Variants in SH3KBP1 observed in about 807,000 individuals in gnomAD.
SH3KBP1 encodes SH3 domain-containing kinase-binding protein 1.
In SH3KBP1, 8 loss-of-function variants were observed where a neutral mutation model predicts 50.1. That is an observed-to-expected ratio of 0.16 (90% CI 0.09 to 0.29). The LOEUF is 0.29. Ranked by LOEUF, SH3KBP1 falls within the 10% of genes least tolerant of loss-of-function variation. SH3KBP1 has a pLI of 1.00. For synonymous variants in SH3KBP1, 227 were observed against 218.6 expected, an observed-to-expected ratio of 1.04 and a Z score of -0.34; for missense variants, 377 against 535.2, an observed-to-expected ratio of 0.70 and a Z score of 2.92.
At chrX:19,685,380 A>G (rs1315755754) in intron 5 of SH3KBP1, among the ~76,000 whole-genome samples, 1 of 112,692 alleles carries the variant, frequency 8.9e-6, no homozygotes, top group Non-Finnish European at 1.9e-5. Context: ...TCAAATCCTT[A>G]AAACAATGGT....
intron 3 of SH3KBP1, among the ~76,000 whole-genome samples, chrX:19,735,699 A>C (rs995968583): frequency 1.3e-5 from 1 of 78,926 alleles, no homozygotes; most frequent in Admixed American, 1.9e-4. Flanking sequence ...ATCCTTCTAA[A>C]TTTACTGAGA....
At chrX:19,593,476 A>G (rs1355418491) in intron 10 of SH3KBP1, among the ~76,000 whole-genome samples, 2 of 111,370 alleles carry the variant, frequency 1.8e-5, no homozygotes, top group East Asian at 2.8e-4. Flanking sequence ...GAAAATATGA[A>G]TATCTATCTC....
intron 1 of SH3KBP1, among the ~76,000 whole-genome samples, chrX:19,868,154 T>A (rs969431441): frequency 2.7e-5 from 3 of 112,166 alleles, no homozygotes; most frequent in Non-Finnish European, 3.8e-5. Flanking sequence ...TGTGCTAGTG[T>A]GGGCTTTTGT....
At chrX:19,740,896 G>A in intron 3 of SH3KBP1, 1 of 211,465 alleles carries the variant, frequency 4.7e-6, no homozygotes, top group Non-Finnish European at 9.8e-6. Context: ...TCCCCTTCAG[G>A]GGAAGTGGGG....
chrX:19,670,554 C>A, intron 6 of SH3KBP1: 1 of 172,225 alleles, frequency 5.8e-6, no homozygotes, highest in Non-Finnish European at 9.3e-6. Flanking sequence ...CATGAAAACC[C>A]AAGACACAGA....
chrX:19,646,161 C>T (rs374422962), intron 6 of SH3KBP1, among the ~76,000 whole-genome samples: 10 of 111,966 alleles, frequency 8.9e-5, no homozygotes, highest in East Asian at 8.4e-4. Flanking sequence ...AAAAATCCAG[C>T]GCCTCAGACC....
At chrX:19,537,453 G>A (rs1474720248) in intron 17 of SH3KBP1, among the ~76,000 whole-genome samples, 1 of 89,431 alleles carries the variant, frequency 1.1e-5, no homozygotes, top group East Asian at 3.2e-4. Flanking sequence ...GCGAGACTCC[G>A]TCTCAAAAAG....
intron 8 of SH3KBP1, among the ~76,000 whole-genome samples, chrX:19,629,727 T>C (rs1427276045): frequency 8.9e-6 from 1 of 112,292 alleles, no homozygotes; most frequent in Non-Finnish European, 1.9e-5. Context: ...GTTGGATCAA[T>C]GTGAAAGTCA....
Position 19,645,469 on chromosome X carries a change from C to T in SH3KBP1, c.733G>A (p.Gly245Arg). 8.4e-7 allele frequency: 1 copy of T among 1,187,551 alleles called. No homozygotes were observed. The highest frequency in any genetic ancestry group is 1.1e-6 in the Non-Finnish European group (1 of 874,081). ...GCTGTAGTTGCAGGTAACTTCTTCC[C>T]AATAGTCTGAGGGGAAAAACAGATG... ...NDFLPVEKTI[G>R]KKLPATTATP... The change falls in exon 7 of 18, where the codon GGG (glycine) becomes AGG (arginine). Residue 245 changes from glycine to arginine, a missense_variant. Coordinates refer to ENST00000397821, the MANE Select transcript of SH3KBP1 (RefSeq NM_031892.3).
At position 19,621,012 on chromosome X, in the gene SH3KBP1, G is replaced by GTTT. The variant is rs57010197; in HGVS notation, c.897+10849_897+10851dup. 1.3e-3 allele frequency among the ~76,000 whole-genome samples: 89 copies of GTTT among 68,678 alleles called. 1 individual carries two copies. The highest frequency in any genetic ancestry group is 0.019 in the Middle Eastern group (2 of 108). 59.6% of individuals were successfully genotyped at this position (68,678 alleles called of 115,157 possible). On this transcript the variant is annotated intron_variant, in intron 8 of 17. Coordinates refer to ENST00000397821, the MANE Select transcript of SH3KBP1 (RefSeq NM_031892.3). ...AAATTTGTATAATAGGTTCAGGTTG[G>GTTT]TTTTTTTTTTTTTTTTCTGCCTATG...
rs966752027 is a variant in SH3KBP1 at position 19,804,401 on chromosome X, A to T, written c.162+31724T>A. Among the ~76,000 whole-genome samples, 4 of 109,099 alleles carry T rather than the reference A, an allele frequency of 3.7e-5. No homozygotes were observed. The South Asian group carries it at 1.6e-3, about 43-fold the overall frequency. 94.7% of individuals were successfully genotyped at this position (109,099 alleles called of 115,157 possible). A position where few individuals can be genotyped will look rare whatever the true frequency, so the allele number is the denominator to read the frequency against. Reference sequence around the variant, plus strand: ...CCATTAAGTACTCTTTTTTTCCTCCACTCTCTCTGATCTAAGCCAGTTTGG... The same window carrying T: ...CCATTAAGTACTCTTTTTTTCCTCCTCTCTCTCTGATCTAAGCCAGTTTGG... On this transcript the variant is annotated intron_variant, in intron 2 of 17. Coordinates refer to ENST00000397821, the MANE Select transcript of SH3KBP1 (RefSeq NM_031892.3).
chrX:19,569,080 G>C, intron 13 of SH3KBP1, 23 bp downstream of exon 13: 1 of 1,176,180 alleles, frequency 8.5e-7, no homozygotes, highest in Non-Finnish European at 1.2e-6. Context: ...GCAAAGAGAA[G>C]CGAGAACACT....
chrX:19,759,565 A>T (rs2065316135), intron 2 of SH3KBP1, among the ~76,000 whole-genome samples: 1 of 112,079 alleles, frequency 8.9e-6, no homozygotes, highest in African/African-American at 3.2e-5. Flanking sequence ...GTGACAAAAC[A>T]ATGCCATTTC....
intron 1 of SH3KBP1, among the ~76,000 whole-genome samples, chrX:19,843,564 G>A (rs535851675): frequency 2.7e-5 from 3 of 111,214 alleles, no homozygotes; most frequent in South Asian, 7.5e-4. Context: ...CCAACAAGCA[G>A]GTAATTCCCA....
intron 7 of SH3KBP1, among the ~76,000 whole-genome samples, chrX:19,637,328 T>G (rs1405078534): frequency 8.9e-6 from 1 of 112,137 alleles, no homozygotes; most frequent in African/African-American, 3.2e-5. Flanking sequence ...GAATGGCACA[T>G]AAGGGTGTGG....
At chrX:19,608,236 G>A (rs1427412915) in intron 8 of SH3KBP1, among the ~76,000 whole-genome samples, 191 bp from the exon 9 acceptor site, 1 of 110,967 alleles carries the variant, frequency 9.0e-6, no homozygotes, top group Non-Finnish European at 1.9e-5. Flanking sequence ...AATGTCGGCT[G>A]GTACTCAAAA....
chrX:19,594,830 C>T, intron 10 of SH3KBP1, 119 bp downstream of exon 10: 2 of 544,657 alleles, frequency 3.7e-6, no homozygotes, highest in East Asian at 3.4e-5. Context: ...TCGTAACTTC[C>T]CAAGTAGTCA....
rs191811103 is a variant in SH3KBP1, at chrX:19,707,148, T to G, written c.287-164A>C. On this transcript the variant is annotated intron_variant, in intron 3 of 17. Transcript: ENST00000397821. Reference sequence around the variant, plus strand: ...GCCCTGGTCTCTTAGAGAGAGGCAGTAGAAAGCAGAGCAATGCTTCTTGGT... The same window carrying G: ...GCCCTGGTCTCTTAGAGAGAGGCAGGAGAAAGCAGAGCAATGCTTCTTGGT... 205 of 555,370 alleles carry G rather than the reference T, an allele frequency of 3.7e-4. 3 individuals are homozygous for G. In the East Asian group the frequency reaches 6.8e-3, roughly 18 times the overall value. 45.8% of individuals were successfully genotyped at this position (555,370 alleles called of 1,213,427 possible).
At chrX:19,716,980 G>A (rs774880222) in intron 3 of SH3KBP1, among the ~76,000 whole-genome samples, 4 of 110,831 alleles carry the variant, frequency 3.6e-5, no homozygotes, top group Non-Finnish European at 7.6e-5. Flanking sequence ...ATAGAGAAGC[G>A]TAGAACAAGA....
Sources: gnomAD v4.1 joint callset for allele counts (sites outside exome capture counted in the v4.1 genomes callset) on GRCh38, gnomAD v4.1.1 for gene constraint, MANE v1.5 for transcripts, NCBI Gene and HGNC (gene_info 2026-07-23, HGNC 2026-07-21) for gene names.